GRID1: variants seen among roughly 807,000 people sequenced by gnomAD.
GRID1 encodes the protein glutamate ionotropic receptor delta type subunit 1.
GRID1 carries 28 observed loss-of-function variants against 98.0 expected under a neutral mutation model. That is an observed-to-expected ratio of 0.29 (90% CI 0.21 to 0.39). GRID1 has a LOEUF of 0.39. Ranked by LOEUF, GRID1 falls within the 10% of genes least tolerant of loss-of-function variation. The pLI, the probability that GRID1 is intolerant of heterozygous loss-of-function variation, is 1.00. For missense variants in GRID1, 1,111 were observed against 1,340.5 expected, an observed-to-expected ratio of 0.83 and a Z score of 2.67; for synonymous variants, 553 against 538.5, an observed-to-expected ratio of 1.03 and a Z score of -0.37.
chr10:85,940,290 C>G (rs1841982929), intron 4 of GRID1, among the ~76,000 whole-genome samples: 1 of 152,154 alleles, frequency 6.6e-6, no homozygotes, highest in Non-Finnish European at 1.5e-5. Context: ...TTTACCTTCT[C>G]TGTCTGGCCC....
chr10:85,827,677 TA>T (rs752454640), intron 8 of GRID1, among the ~76,000 whole-genome samples: 519 of 138,530 alleles, frequency 3.7e-3, no homozygotes, highest in Non-Finnish European at 4.1e-3. Flanking sequence ...CAACAATGGT[TA>T]AAAAAAAAAA....
intron 2 of GRID1, among the ~76,000 whole-genome samples, chr10:86,353,582 G>A (rs1017302283): frequency 2.0e-5 from 3 of 152,150 alleles, no homozygotes; most frequent in Admixed American, 6.5e-5. Flanking sequence ...CCTTTATCAG[G>A]TGCACAGTAG....
chr10:86,107,822 G>A (rs1844414591), intron 4 of GRID1, among the ~76,000 whole-genome samples: 1 of 152,126 alleles, frequency 6.6e-6, no homozygotes, highest in African/African-American at 2.4e-5. Flanking sequence ...TTTGGCCAGG[G>A]CACTCAGAGG....
At chr10:86,358,682 C>G (rs1848564554) in intron 2 of GRID1, among the ~76,000 whole-genome samples, 1 of 151,750 alleles carries the variant, frequency 6.6e-6, no homozygotes, top group South Asian at 2.1e-4. Flanking sequence ...AGTGTGAATC[C>G]GGGAGGCAGA....
intron 12 of GRID1, among the ~76,000 whole-genome samples, chr10:85,670,587 T>C (rs78225637): frequency 0.053 from 8,024 of 152,220 alleles, 245 homozygotes; most frequent in African/African-American, 0.075. Flanking sequence ...TGAGGATGAC[T>C]GCAAGGGGGA....
chr10:85,650,849 A>G (rs1843258878), intron 12 of GRID1, among the ~76,000 whole-genome samples: 1 of 152,198 alleles, frequency 6.6e-6, no homozygotes, highest in Non-Finnish European at 1.5e-5. Context: ...GGAGCAATTC[A>G]CATCAGCCAA....
At chr10:86,263,244 G>C (rs962970637) in intron 2 of GRID1, among the ~76,000 whole-genome samples, 1 of 152,262 alleles carries the variant, frequency 6.6e-6, no homozygotes, top group Non-Finnish European at 1.5e-5. Flanking sequence ...AATAAATTTG[G>C]TGGTTAGAGT....
intron 4 of GRID1, among the ~76,000 whole-genome samples, chr10:86,033,459 G>T (rs1843213995): frequency 6.6e-6 from 1 of 152,136 alleles, no homozygotes; most frequent in African/African-American, 2.4e-5. Context: ...GGAGAAGGCT[G>T]GGAATTAGGT....
In GRID1 at chr10:86,237,860, C is replaced by A. The variant is rs183619568; in HGVS notation, c.236-31212G>T. 1.7e-3 allele frequency among the ~76,000 whole-genome samples: 252 copies of A among 152,282 alleles called. 2 individuals carry two copies. The highest frequency in any genetic ancestry group is 2.5e-3 in the Non-Finnish European group (169 of 68,026). On this transcript the variant is annotated intron_variant, in intron 2 of 15. Transcript: ENST00000327946. ...CTGTGGAACTGAGTCAATTAAACTT[C>A]TTTTCTTTATAAATTACCCAGTCTC...
At position 86,129,899 on chromosome 10, in the gene GRID1, C is replaced by T. The variant is rs563407813; in HGVS notation, c.726+8920G>A. On this transcript the variant is annotated intron_variant, in intron 4 of 15. Transcript: ENST00000327946. ...AGCTGACTTCATGGCTTGCTCTGGA[C>T]AAGAGATTGCAGTAGAAGTCACAAT... is the stretch of plus-strand genomic sequence containing the variant. Among the ~76,000 whole-genome samples, 21 of 152,360 alleles carry T rather than the reference C, an allele frequency of 1.4e-4. No individual in the cohort carries two copies. The South Asian group carries it at 2.1e-3, about 15-fold the overall frequency.
intron 4 of GRID1, among the ~76,000 whole-genome samples, chr10:86,114,664 G>A (rs1381057563): frequency 2.6e-5 from 4 of 152,120 alleles, no homozygotes; most frequent in Non-Finnish European, 5.9e-5. Flanking sequence ...CCTCTCCCCT[G>A]TCTTCTGAGA....
intron 3 of GRID1, among the ~76,000 whole-genome samples, chr10:86,144,437 C>T (rs1589386773): frequency 6.6e-6 from 1 of 152,146 alleles, no homozygotes; most frequent in South Asian, 2.1e-4. Flanking sequence ...GGTCAGTGGG[C>T]ACCAGGGACC....
intron 8 of GRID1, among the ~76,000 whole-genome samples, chr10:85,769,692 G>T (rs1376571341): frequency 6.6e-6 from 1 of 152,172 alleles, no homozygotes; most frequent in African/African-American, 2.4e-5. Context: ...TGGCTCGGAG[G>T]GTCCTACACC....
chr10:85,643,128 G>A (rs1225340805), intron 13 of GRID1, among the ~76,000 whole-genome samples: 1 of 152,138 alleles, frequency 6.6e-6, no homozygotes, highest in African/African-American at 2.4e-5. Context: ...GACTTTTGCA[G>A]CAATTAGACA....
At chr10:86,191,188 T>C (rs1174436740) in intron 3 of GRID1, among the ~76,000 whole-genome samples, 5 of 152,004 alleles carry the variant, frequency 3.3e-5, no homozygotes, top group Non-Finnish European at 5.9e-5. Context: ...AGGAAGTCAG[T>C]AATTATGGCC....
At chr10:86,188,866 C>CA (rs1298546010) in intron 3 of GRID1, among the ~76,000 whole-genome samples, 1 of 152,174 alleles carries the variant, frequency 6.6e-6, no homozygotes, top group African/African-American at 2.4e-5. Context: ...TCCAACTAGA[C>CA]AAGTGGCAGA....
intron 2 of GRID1, among the ~76,000 whole-genome samples, chr10:86,209,463 G>C (rs937517365): frequency 6.6e-6 from 1 of 152,200 alleles, no homozygotes; most frequent in African/African-American, 2.4e-5. Flanking sequence ...CACTGCCACA[G>C]ACATGGGGAA....
intron 14 of GRID1, among the ~76,000 whole-genome samples, chr10:85,616,407 G>A (rs2132517605): frequency 6.6e-6 from 1 of 152,238 alleles, no homozygotes; most frequent in Non-Finnish European, 1.5e-5. Flanking sequence ...TTCTTCCGGG[G>A]CCAGCTTCTG....
At chr10:85,619,750 G>A (rs967628469) in intron 14 of GRID1, 117 bp downstream of exon 14, 1 of 784,024 alleles carries the variant, frequency 1.3e-6, no homozygotes. Flanking sequence ...TATGTGCTTG[G>A]GAAAATATGA....
Sources: allele counts gnomAD v4.1 joint callset (sites outside exome capture counted in the v4.1 genomes callset), GRCh38; gene constraint gnomAD v4.1.1; transcripts MANE v1.5; gene names NCBI Gene and HGNC (gene_info 2026-07-23, HGNC 2026-07-21).